Variants in LYZL2 observed in about 807,000 individuals in gnomAD.
The protein encoded by LYZL2 is lysozyme like 2.
Under a neutral mutation model 17.1 loss-of-function variants are expected in LYZL2, and 13 were observed. The ratio of observed to expected loss-of-function variants is 0.76; its 90% CI spans 0.49 to 1.21. The LOEUF (loss-of-function observed/expected upper bound fraction) is 1.21. Ranked by LOEUF, LYZL2 falls within the 50% of genes most tolerant of loss-of-function variation. LYZL2 has a pLI of 0.00. For missense variants in LYZL2, 166 were observed against 189.2 expected (o/e 0.88, Z 0.72); for synonymous variants, 63 against 74.4 (o/e 0.85, Z 0.79).
downstream of LYZL2, among the ~76,000 whole-genome samples, chr10:30,606,912 C>CTTT (rs5784208): frequency 5.1e-4 from 74 of 144,842 alleles, no homozygotes; most frequent in Non-Finnish European, 5.7e-4. Context: ...TACTTTTGGT[C>CTTT]TTTTTTTTTT....
Position 30,611,971 on chromosome 10 carries a change from T to G in LYZL2, c.431A>C (p.Asp144Ala). ...EGRDLSDWKK[D>A]CEVS ...AGTTCCAGTTTAGGAAACCTCACAG[T>G]CTTTTTTCCAGTCGGACAGGTCTCT... is the stretch of plus-strand genomic sequence containing the variant. The change falls in exon 5 of 5, where the codon GAC becomes GCC. Residue 144 changes from aspartate to alanine, a missense_variant. By Grantham distance (126) the Asp-to-Ala change is moderately radical. Coordinates refer to ENST00000647634, the MANE Select transcript of LYZL2 (RefSeq NM_183058.3). 6.2e-7 allele frequency: 1 copy of G among 1,614,198 alleles called. No homozygotes were observed.
downstream of LYZL2, among the ~76,000 whole-genome samples, chr10:30,610,391 C>A (rs142079275): frequency 2.0e-5 from 3 of 152,056 alleles, no homozygotes; most frequent in Admixed American, 1.3e-4. Context: ...ATGTCCTTTG[C>A]GGGGACATGG....
chr10:30,620,972 G>C (rs949711250), intron 3 of LYZL2, among the ~76,000 whole-genome samples: 1 of 152,120 alleles, frequency 6.6e-6, no homozygotes, highest in Non-Finnish European at 1.5e-5. Context: ...ATGATGAATG[G>C]TACAGCATCA....
chr10:30,610,939 G>T (rs917233522), downstream of LYZL2, among the ~76,000 whole-genome samples: 2 of 152,052 alleles, frequency 1.3e-5, no homozygotes, highest in Admixed American at 1.3e-4. Flanking sequence ...GTACACAAAT[G>T]GTGTCTAGGC....
intron 1 of LYZL2, among the ~76,000 whole-genome samples, chr10:30,627,221 C>T (rs1489721771): frequency 1.3e-5 from 2 of 152,008 alleles, no homozygotes; most frequent in South Asian, 2.1e-4. Context: ...AGGTGAAAAC[C>T]ACAAGGGGCA....
chr10:30,614,653 T>A (rs1838500058), intron 3 of LYZL2, among the ~76,000 whole-genome samples: 1 of 152,124 alleles, frequency 6.6e-6, no homozygotes, highest in South Asian at 2.1e-4. Context: ...ATTTTTTTTT[T>A]AAGAGAATTG....
chr10:30,608,528 C>T (rs1377687650), downstream of LYZL2, among the ~76,000 whole-genome samples: 2 of 152,174 alleles, frequency 1.3e-5, no homozygotes, highest in African/African-American at 2.4e-5. Flanking sequence ...CAGGTACTTC[C>T]TGTTCGTAAA....
intron 3 of LYZL2, among the ~76,000 whole-genome samples, chr10:30,617,040 C>T (rs775354749): frequency 1.2e-4 from 18 of 152,088 alleles, no homozygotes; most frequent in Non-Finnish European, 2.9e-5. Flanking sequence ...CTGAGACACT[C>T]GTTTGTGTTT....
chr10:30,613,427 G>A (rs575399053), intron 3 of LYZL2, among the ~76,000 whole-genome samples: 264 of 150,494 alleles, frequency 1.8e-3, no homozygotes, highest in African/African-American at 6.2e-3. Context: ...AGCCCAGGAG[G>A]TCAAAGCTGA....
At chr10:30,625,079 A>G (rs1021058774) in intron 3 of LYZL2, among the ~76,000 whole-genome samples, 2 of 152,112 alleles carry the variant, frequency 1.3e-5, no homozygotes, top group Non-Finnish European at 2.9e-5. Flanking sequence ...CAAAACCCAA[A>G]TGAGCAAGGA....
intron 1 of LYZL2, 101 bp from the exon 2 acceptor site, chr10:30,627,041 C>G: frequency 6.5e-7 from 1 of 1,530,230 alleles, no homozygotes. Flanking sequence ...CTGCCTGTCA[C>G]TTTGGTCATT....
chr10:30,612,160 G>C, intron 4 of LYZL2, 136 bp from the exon 5 acceptor site: 1 of 1,065,252 alleles, frequency 9.4e-7, no homozygotes, highest in Non-Finnish European at 1.4e-6. Flanking sequence ...TGAGATCAAA[G>C]GACGCTGTCA....
chr10:30,608,962 CCTGAGTAG>C (rs1210931449), downstream of LYZL2, among the ~76,000 whole-genome samples: 1 of 152,136 alleles, frequency 6.6e-6, no homozygotes, highest in Non-Finnish European at 1.5e-5. Context: ...ACCTCAACCT[CCTGAGTAG>C]CTGGAACTAC....
At chr10:30,621,555 A>T (rs1239335838) in intron 3 of LYZL2, among the ~76,000 whole-genome samples, 1 of 152,128 alleles carries the variant, frequency 6.6e-6, no homozygotes, top group African/African-American at 2.4e-5. Flanking sequence ...CTACACTCAC[A>T]GTGTTGTTCT....
At chr10:30,619,514 CATGTCCTTTGTA>C (rs1180029412) in intron 3 of LYZL2, among the ~76,000 whole-genome samples, 7 of 152,044 alleles carry the variant, frequency 4.6e-5, no homozygotes, top group Non-Finnish European at 7.4e-5. Flanking sequence ...AGGATGAGTT[CATGTCCTTTGTA>C]GGGACATGGA....
intron 2 of LYZL2, 128 bp from the exon 3 acceptor site, chr10:30,626,391 G>A: frequency 6.9e-7 from 1 of 1,448,584 alleles, no homozygotes; most frequent in South Asian, 1.4e-5. Context: ...GGGCAGGGCA[G>A]GGCGGGCATG....
rs562800573 is a variant in LYZL2 at position 30,612,152 on chromosome 10, A to T, written c.378-128T>A. 3.4e-5 allele frequency: 38 copies of T among 1,120,978 alleles called. 1 individual carries two copies. The African/African-American group carries it at 5.0e-4, about 15-fold the overall frequency. 69.4% of individuals were successfully genotyped at this position (1,120,978 alleles called of 1,614,324 possible). ...CTGGGTTGGGTTTCATTTGCTTCTGAGATCAAAGGACGCTGTCATTTTGCC... is the reference window on the plus strand; with the variant it reads ...CTGGGTTGGGTTTCATTTGCTTCTGTGATCAAAGGACGCTGTCATTTTGCC... On this transcript the variant is annotated intron_variant, in intron 4 of 4. Transcript: ENST00000647634.
At chr10:30,622,969 A>G (rs1838648433) in intron 3 of LYZL2, among the ~76,000 whole-genome samples, 1 of 152,376 alleles carries the variant, frequency 6.6e-6, no homozygotes, top group East Asian at 1.9e-4. Flanking sequence ...AACATACTAT[A>G]CAAATATTTC....
At chr10:30,627,088 T>A (rs1838725747) in intron 1 of LYZL2, 148 bp from the exon 2 acceptor site, 8 of 1,258,516 alleles carry the variant, frequency 6.4e-6, no homozygotes, top group Admixed American at 2.7e-5. Context: ...CACTCTACGG[T>A]CCAGGGAAGG....
Sources: gnomAD v4.1 joint callset for allele counts (sites outside exome capture counted in the v4.1 genomes callset) on GRCh38, gnomAD v4.1.1 for gene constraint, MANE v1.5 for transcripts, NCBI Gene and HGNC (gene_info 2026-07-23, HGNC 2026-07-21) for gene names.